HMCN1: variants seen among roughly 807,000 people sequenced by gnomAD.
HMCN1 encodes the protein hemicentin-1.
HMCN1 carries 321 observed loss-of-function variants against 625.9 expected under a neutral mutation model. The ratio of observed to expected loss-of-function variants is 0.51; its 90% confidence interval spans 0.47 to 0.56. The LOEUF is 0.56. Among genes scored for constraint, HMCN1 ranks in the 20% least tolerant of loss-of-function variants. The pLI, the probability that HMCN1 is intolerant of heterozygous loss-of-function variation, is 0.00. For synonymous variants in HMCN1, 2,425 were observed against 2,417.6 expected (o/e 1.00, Z -0.09); for missense variants, 6,588 against 6,887.3 (o/e 0.96, Z 1.54).
chr1:186,150,880 G>A (rs1475885544), intron 93 of HMCN1, among the ~76,000 whole-genome samples: 1 of 151,152 alleles, frequency 6.6e-6, no homozygotes, highest in Non-Finnish European at 1.5e-5. Flanking sequence ...AACTCTCATT[G>A]TCATCACCAC....
intron 56 of HMCN1, 75 bp from the exon 57 acceptor site, chr1:186,082,787 TTTA>T (rs1659242696): frequency 1.4e-6 from 1 of 716,178 alleles, no homozygotes; most frequent in South Asian, 2.3e-5. Context: ...ATATATATTA[TTTA>T]TTCTAAAAAA....
In HMCN1 at chr1:186,125,594, C is replaced by T; in HGVS notation, c.12500-10C>T. The T allele has an allele frequency of 6.2e-7, 1 of 1,606,996 alleles. No homozygotes were observed. The highest frequency in any genetic ancestry group is 1.1e-5 in the South Asian group (1 of 90,936). Reference sequence around the variant, plus strand: ...GCTTCCTGGATGACTCTTTTTTAAACTCTTCATAGTACCACCCAGGATCAG... The same window carrying T: ...GCTTCCTGGATGACTCTTTTTTAAATTCTTCATAGTACCACCCAGGATCAG... On this transcript the variant is annotated splice_polypyrimidine_tract_variant and intron_variant, in intron 81 of 106. Coordinates refer to ENST00000271588, the MANE Select transcript of HMCN1 (RefSeq NM_031935.3).
At chr1:185,760,658 A>T (rs1240227925) in intron 1 of HMCN1, among the ~76,000 whole-genome samples, 1 of 152,170 alleles carries the variant, frequency 6.6e-6, no homozygotes, top group Non-Finnish European at 1.5e-5. Flanking sequence ...AGGTAATGTT[A>T]AGAAAATTGG....
chr1:185,896,332 T>A (rs1665489276), intron 4 of HMCN1, among the ~76,000 whole-genome samples: 1 of 152,070 alleles, frequency 6.6e-6, no homozygotes, highest in Non-Finnish European at 1.5e-5. Context: ...GAATACATAG[T>A]ATTAATAAGT....
intron 4 of HMCN1, among the ~76,000 whole-genome samples, chr1:185,893,210 TG>T (rs1665247995): frequency 6.6e-6 from 1 of 152,206 alleles, no homozygotes. Context: ...GCCCACTGTC[TG>T]GCACTCCCTA....
At chr1:186,124,295 G>A (rs369419767) in intron 81 of HMCN1, among the ~76,000 whole-genome samples, 3 of 152,026 alleles carry the variant, frequency 2.0e-5, no homozygotes, top group Admixed American at 6.6e-5. Context: ...AGGTCAAAGA[G>A]TATTTTTCTG....
chr1:185,907,077 C>T (rs1666138478), intron 4 of HMCN1, among the ~76,000 whole-genome samples: 1 of 150,894 alleles, frequency 6.6e-6, no homozygotes, highest in South Asian at 2.1e-4. Context: ...TACAGTCAGT[C>T]TGGTCTGTAG....
intron 33 of HMCN1, 30 bp downstream of exon 33, chr1:186,017,101 C>G (rs751047694): frequency 1.7e-6 from 2 of 1,171,364 alleles, no homozygotes; most frequent in Admixed American, 1.7e-5. Flanking sequence ...TTCTAAATAC[C>G]TCCTGCTTTT....
At chr1:185,811,494 A>AGGCGGAGGTGGGAAGGATTGCTT (rs1659512289) in intron 1 of HMCN1, among the ~76,000 whole-genome samples, 1 of 152,062 alleles carries the variant, frequency 6.6e-6, no homozygotes, top group Non-Finnish European at 1.5e-5. Context: ...GCTGCTTAGG[A>AGGCGGAGGTGGGAAGGATTGCTT]GGCGGAGGTG....
At chr1:185,771,784 G>A (rs1023593068) in intron 1 of HMCN1, among the ~76,000 whole-genome samples, 1 of 152,154 alleles carries the variant, frequency 6.6e-6, no homozygotes, top group East Asian at 1.9e-4. Context: ...GGCAGAATCT[G>A]TTGATACAGA....
chr1:185,882,276 T>C lies in HMCN1; in HGVS notation c.621+16413T>C, dbSNP rs34403871. On this transcript the variant is annotated intron_variant, in intron 4 of 106. Transcript: ENST00000271588. ...TGAAGCAATGCTAATGAAACTCTCA[T>C]GGAGCATTCACAGCTTATTGTTGCC... Among the ~76,000 whole-genome samples, 277 of 152,206 alleles carry C rather than the reference T, an allele frequency of 1.8e-3. 2 individuals are homozygous for C. The highest frequency in any genetic ancestry group is 6.8e-3 in the Middle Eastern group (2 of 294).
At chr1:185,929,390 A>T (rs1667434872) in intron 10 of HMCN1, among the ~76,000 whole-genome samples, 1 of 152,068 alleles carries the variant, frequency 6.6e-6, no homozygotes, top group African/African-American at 2.4e-5. Context: ...GAAAAAAATA[A>T]TTTTTCCTCA....
intron 103 of HMCN1, among the ~76,000 whole-genome samples, chr1:186,176,537 C>T (rs1652591589): frequency 6.6e-6 from 1 of 152,174 alleles, no homozygotes; most frequent in Non-Finnish European, 1.5e-5. Context: ...TGATTTGGCA[C>T]ATGATATCAA....
Position 186,067,925 on chromosome 1 carries a change from T to G in HMCN1, c.7797T>G (p.Ala2599=), listed in dbSNP as rs370366000. 2.5e-6 allele frequency: 4 copies of G among 1,613,302 alleles called. No individual in the cohort carries two copies. The African/African-American group carries it at 5.3e-5, about 22-fold the overall frequency. The change falls in exon 50 of 107, where the codon GCT becomes GCG. Residue 2599 remains alanine, a synonymous_variant. Transcript: ENST00000271588. ...LNSPTSLVCE[A]YSYPPATITW... ...GCCCTACATCTTTGGTCTGTGAAGC[T>G]TATTCATATCCTCCAGCTACCATCA...
rs888792576 is a variant in HMCN1, at chr1:186,143,852, G to A, written c.13925-321G>A. On this transcript the variant is annotated intron_variant, in intron 89 of 106. Coordinates refer to ENST00000271588, the MANE Select transcript of HMCN1 (RefSeq NM_031935.3). The stretch of plus-strand genomic sequence containing the variant: ...AGCAAAGAACACAGACAAATACTTA[G>A]CTAAGGGCTTAAACACTCAGACTGT... Among the ~76,000 whole-genome samples the A allele has an allele frequency of 3.3e-5, 5 of 152,270 alleles. No homozygotes were observed. In the South Asian group the frequency reaches 1.0e-3, roughly 32 times the overall value.
At chr1:186,025,138 A>G (rs1282409146) in intron 36 of HMCN1, among the ~76,000 whole-genome samples, 1 of 152,094 alleles carries the variant, frequency 6.6e-6, no homozygotes, top group Non-Finnish European at 1.5e-5. Context: ...CCTTGCATGC[A>G]CAGTTCACAA....
At chr1:185,808,084 A>G (rs1193170457) in intron 1 of HMCN1, among the ~76,000 whole-genome samples, 1 of 152,028 alleles carries the variant, frequency 6.6e-6, no homozygotes, top group Admixed American at 6.6e-5. Context: ...CAAACAAAAA[A>G]CCTGTAATCC....
At chr1:186,121,470 G>A (rs531270970) in intron 80 of HMCN1, among the ~76,000 whole-genome samples, 173 of 152,222 alleles carry the variant, frequency 1.1e-3, no homozygotes, top group Admixed American at 4.4e-3. Context: ...TTATGGAGGT[G>A]TAATTGTTAG....
At chr1:185,792,489 C>CA (rs1313538785) in intron 1 of HMCN1, among the ~76,000 whole-genome samples, 1 of 150,944 alleles carries the variant, frequency 6.6e-6, no homozygotes, top group Non-Finnish European at 1.5e-5. Flanking sequence ...ATCTCAGCTC[C>CA]AAAAAGACAC....
Sources: allele counts gnomAD v4.1 joint callset (sites outside exome capture counted in the v4.1 genomes callset), GRCh38; gene constraint gnomAD v4.1.1; transcripts MANE v1.5; gene names NCBI Gene and HGNC (gene_info 2026-07-23, HGNC 2026-07-21).